ATRNL1: variants seen among roughly 807,000 people sequenced by gnomAD.
ATRNL1 encodes the protein attractin like 1, also known as attractin-like protein 1.
In ATRNL1, 95 loss-of-function variants were observed where a neutral mutation model predicts 182.7. That is an observed-to-expected ratio of 0.52 (90% confidence interval 0.44 to 0.62). ATRNL1 has a LOEUF of 0.62. Among genes scored for constraint, ATRNL1 ranks in the 20% least tolerant of loss-of-function variants. The pLI is 0.00. For synonymous variants in ATRNL1, 576 were observed against 568.3 expected (o/e 1.01, Z -0.19); for missense variants, 1,471 against 1,679.5 (o/e 0.88, Z 2.17).
chr10:115,384,590 A>G (rs1202484507), intron 19 of ATRNL1, among the ~76,000 whole-genome samples: 2 of 152,022 alleles, frequency 1.3e-5, no homozygotes, highest in Non-Finnish European at 2.9e-5. Context: ...AACTTATTTC[A>G]TATACACTTA....
At chr10:115,479,459 A>G (rs1230431836) in intron 24 of ATRNL1, among the ~76,000 whole-genome samples, 1 of 151,482 alleles carries the variant, frequency 6.6e-6, no homozygotes, top group African/African-American at 2.4e-5. Flanking sequence ...TGTACTTTGG[A>G]AAGCTGTTTT....
chr10:115,631,851 GCT>G (rs1858534169), intron 26 of ATRNL1, among the ~76,000 whole-genome samples: 1 of 152,046 alleles, frequency 6.6e-6, no homozygotes, highest in African/African-American at 2.4e-5. Context: ...CTAGGACTGA[GCT>G]GTGAATAGCG....
At chr10:115,899,254 C>T (rs563918820) in intron 28 of ATRNL1, among the ~76,000 whole-genome samples, 146 of 152,090 alleles carry the variant, frequency 9.6e-4, no homozygotes, top group African/African-American at 3.3e-3. Context: ...TTTGTCCTTG[C>T]GATAGTTTGC....
At chr10:115,330,083 A>C (rs1207704050) in intron 18 of ATRNL1, among the ~76,000 whole-genome samples, 1 of 152,112 alleles carries the variant, frequency 6.6e-6, no homozygotes, top group Non-Finnish European at 1.5e-5. Context: ...CCTATCAAAA[A>C]CATCTTATTA....
chr10:115,336,959 C>T (rs1266198227), intron 19 of ATRNL1, among the ~76,000 whole-genome samples: 1 of 127,228 alleles, frequency 7.9e-6, no homozygotes, highest in African/African-American at 3.0e-5. Flanking sequence ...AATTCTCCTG[C>T]CTCAGCCTCC....
At chr10:115,559,425 TG>T (rs1853535604) in intron 26 of ATRNL1, among the ~76,000 whole-genome samples, 1 of 104,634 alleles carries the variant, frequency 9.6e-6, no homozygotes, top group African/African-American at 3.5e-5. Context: ...TGTGTGTGTG[TG>T]TGTGTGTGTG....
At chr10:115,291,074 C>T (rs1460459641) in intron 15 of ATRNL1, among the ~76,000 whole-genome samples, 3 of 152,264 alleles carry the variant, frequency 2.0e-5, no homozygotes, top group Admixed American at 6.5e-5. Flanking sequence ...GCTTTCTTAT[C>T]TCTGTCTGCA....
intron 26 of ATRNL1, among the ~76,000 whole-genome samples, chr10:115,636,997 A>C (rs1858918367): frequency 1.3e-5 from 2 of 152,224 alleles, no homozygotes; most frequent in Admixed American, 6.5e-5. Context: ...AAAAAAGAAG[A>C]ACCCCCAAGT....
intron 21 of ATRNL1, among the ~76,000 whole-genome samples, chr10:115,427,714 T>C (rs1165983982): frequency 1.3e-5 from 2 of 152,128 alleles, no homozygotes; most frequent in East Asian, 3.8e-4. Flanking sequence ...TGTGCACCTT[T>C]GCTGAAAAAC....
chr10:115,799,699 C>A (rs554017413), intron 27 of ATRNL1, among the ~76,000 whole-genome samples: 1 of 152,290 alleles, frequency 6.6e-6, no homozygotes, highest in South Asian at 2.1e-4. Context: ...TCCAGATGTC[C>A]AGTTGCACAG....
intron 18 of ATRNL1, among the ~76,000 whole-genome samples, chr10:115,325,699 G>T (rs1554932958): frequency 6.6e-6 from 1 of 152,040 alleles, no homozygotes; most frequent in Non-Finnish European, 1.5e-5. Flanking sequence ...AGGAAAGGAG[G>T]GTTGAGTGGC....
intron 1 of ATRNL1, among the ~76,000 whole-genome samples, chr10:115,115,332 A>G (rs546005797): frequency 6.6e-6 from 1 of 152,228 alleles, no homozygotes; most frequent in Admixed American, 6.5e-5. Flanking sequence ...CTATTGTACA[A>G]TGAAGTGACT....
chr10:115,162,863 A>G (rs2144023259), intron 6 of ATRNL1, among the ~76,000 whole-genome samples: 1 of 151,982 alleles, frequency 6.6e-6, no homozygotes, highest in East Asian at 1.9e-4. Flanking sequence ...ATTAAGGAGT[A>G]ATTAATAATG....
chr10:115,876,288 C>CCCCCAAGGA (rs1951698743), intron 28 of ATRNL1, among the ~76,000 whole-genome samples: 4 of 152,216 alleles, frequency 2.6e-5, no homozygotes, highest in Non-Finnish European at 5.9e-5. Flanking sequence ...GCTAATACTA[C>CCCCCAAGGA]TTATCTCTTG....
At chr10:115,556,344 A>T (rs553242321) in intron 26 of ATRNL1, among the ~76,000 whole-genome samples, 1 of 152,274 alleles carries the variant, frequency 6.6e-6, no homozygotes, top group South Asian at 2.1e-4. Flanking sequence ...TAAAAGCAAA[A>T]TAAATTGGGT....
At chr10:115,494,581 T>C (rs1849454078) in intron 24 of ATRNL1, among the ~76,000 whole-genome samples, 1 of 152,202 alleles carries the variant, frequency 6.6e-6, no homozygotes, top group Admixed American at 6.5e-5. Context: ...AGCTTTTTCT[T>C]CATATATTCA....
At chr10:115,625,330 A>ATT (rs1858023958) in intron 26 of ATRNL1, among the ~76,000 whole-genome samples, 1 of 152,200 alleles carries the variant, frequency 6.6e-6, no homozygotes, top group African/African-American at 2.4e-5. Flanking sequence ...GAGCTGATAG[A>ATT]AATTTCTGAT....
chr10:115,585,225 G>C (rs1333732689), intron 26 of ATRNL1, among the ~76,000 whole-genome samples: 1 of 74,238 alleles, frequency 1.3e-5, no homozygotes, highest in Admixed American at 1.3e-4. Context: ...CGTATATTCT[G>C]TTGATTTGGG....
At chr10:115,326,739 T>C (rs1325858995) in intron 18 of ATRNL1, among the ~76,000 whole-genome samples, 2 of 151,894 alleles carry the variant, frequency 1.3e-5, no homozygotes, top group Non-Finnish European at 2.9e-5. Flanking sequence ...AACAGAGATA[T>C]AGATCAATGG....
Sources: allele counts gnomAD v4.1 joint callset (sites outside exome capture counted in the v4.1 genomes callset), GRCh38; gene constraint gnomAD v4.1.1; transcripts MANE v1.5; gene names NCBI Gene and HGNC (gene_info 2026-07-23, HGNC 2026-07-21).